CNTNAP2: variants seen among roughly 807,000 people sequenced by gnomAD.
CNTNAP2 encodes contactin associated protein 2.
CNTNAP2 carries 98 observed loss-of-function variants against 155.2 expected under a neutral mutation model. The ratio of observed to expected loss-of-function variants is 0.63; its 90% CI spans 0.54 to 0.75. CNTNAP2 has a LOEUF of 0.75. CNTNAP2 is among the 30% of genes least tolerant of loss of function. CNTNAP2 has a pLI of 0.00. For synonymous variants in CNTNAP2, 651 were observed against 631.2 expected, an observed-to-expected ratio of 1.03 and a Z score of -0.47; for missense variants, 1,727 against 1,688.1, an observed-to-expected ratio of 1.02 and a Z score of -0.40.
chr7:147,566,751 T>C (rs575673625), intron 12 of CNTNAP2, among the ~76,000 whole-genome samples: 1 of 152,196 alleles, frequency 6.6e-6, no homozygotes, highest in Non-Finnish European at 1.5e-5. Context: ...GGGATTACAA[T>C]TCAAGATGAG....
At chr7:146,443,230 T>A (rs201127193) in intron 1 of CNTNAP2, among the ~76,000 whole-genome samples, 34 of 147,802 alleles carry the variant, frequency 2.3e-4, no homozygotes, top group Admixed American at 3.4e-4. Flanking sequence ...AATAAATAAA[T>A]AATAAATAAA....
chr7:147,372,878 G>A (rs1029572424), intron 9 of CNTNAP2, among the ~76,000 whole-genome samples: 2 of 152,116 alleles, frequency 1.3e-5, no homozygotes, highest in South Asian at 2.1e-4. Flanking sequence ...TCCTGGCAAA[G>A]CTCCCTGTCT....
intron 3 of CNTNAP2, among the ~76,000 whole-genome samples, chr7:146,843,872 G>C (rs28452439): frequency 0.037 from 5,645 of 152,094 alleles, 351 homozygotes; most frequent in African/African-American, 0.13. Context: ...ATGGCTTTTT[G>C]ATGGAAAACA....
intron 17 of CNTNAP2, among the ~76,000 whole-genome samples, chr7:148,162,524 C>T (rs756684149): frequency 6.6e-6 from 1 of 152,180 alleles, no homozygotes; most frequent in Non-Finnish European, 1.5e-5. Flanking sequence ...CCCATAACTG[C>T]CTTGGTTTCA....
rs57215903 is a variant in CNTNAP2 at position 147,137,873 on chromosome 7, GTAGATAGA to G, written c.1348+5400_1348+5407del. ...AAATGATTGGAAAATAGATAGATAC[GTAGATAGA>G]TAGATAGATAGATAGATAGATAGAT... On this transcript the variant is annotated intron_variant, in intron 8 of 23. Coordinates refer to ENST00000361727, the MANE Select transcript of CNTNAP2 (RefSeq NM_014141.6). Among the ~76,000 whole-genome samples the G allele has an allele frequency of 4.8e-3, 671 of 140,132 alleles. 8 individuals carry two copies. Among genetic ancestry groups the G allele is most frequent in the Middle Eastern group, 0.021 (5 of 240 alleles). 91.9% of individuals were successfully genotyped at this position (140,132 alleles called of 152,430 possible). A position where few individuals can be genotyped will look rare whatever the true frequency, so the allele number is the denominator to read the frequency against.
chr7:146,704,508 A>C (rs1800930541), intron 1 of CNTNAP2, among the ~76,000 whole-genome samples: 1 of 152,150 alleles, frequency 6.6e-6, no homozygotes. Flanking sequence ...GAAGTCAGGA[A>C]ATAGTTAATG....
At chr7:147,245,867 A>T (rs1804050046) in intron 8 of CNTNAP2, among the ~76,000 whole-genome samples, 1 of 150,656 alleles carries the variant, frequency 6.6e-6, no homozygotes, top group South Asian at 2.1e-4. Context: ...ATTGTTCTTC[A>T]GGAAAACAGA....
intron 1 of CNTNAP2, among the ~76,000 whole-genome samples, chr7:146,178,031 A>T (rs1798494375): frequency 6.6e-6 from 1 of 151,542 alleles, no homozygotes; most frequent in Non-Finnish European, 1.5e-5. Context: ...CTTTATTTTT[A>T]TTTTTATTTT....
chr7:147,348,084 T>C (rs1795907619), intron 9 of CNTNAP2, among the ~76,000 whole-genome samples: 1 of 152,020 alleles, frequency 6.6e-6, no homozygotes, highest in Non-Finnish European at 1.5e-5. Flanking sequence ...GAAGAAGACA[T>C]AGCGGAAATG....
chr7:146,737,622 C>A lies in CNTNAP2; in HGVS notation c.98-36649C>A, dbSNP rs117851856. Among the ~76,000 whole-genome samples, 1,457 of 152,106 alleles carry A rather than the reference C, an allele frequency of 9.6e-3. 13 individuals are homozygous for A. The highest frequency in any genetic ancestry group is 0.026 in the East Asian group (136 of 5,170). ...ATGTGTAACAAGTATAAGGTGAGATCTCATTGGGTTTTAATTTGCATTTAT... is the reference window on the plus strand; with the variant it reads ...ATGTGTAACAAGTATAAGGTGAGATATCATTGGGTTTTAATTTGCATTTAT... On this transcript the variant is annotated intron_variant, in intron 1 of 23. Transcript: ENST00000361727.
At chr7:146,516,045 C>T (rs1436481395) in intron 1 of CNTNAP2, among the ~76,000 whole-genome samples, 4 of 151,974 alleles carry the variant, frequency 2.6e-5, no homozygotes, top group African/African-American at 9.7e-5. Context: ...CTTAACACCA[C>T]ATTTTTTTTC....
chr7:147,611,101 T>G (rs1385964521), intron 12 of CNTNAP2, among the ~76,000 whole-genome samples: 2 of 152,198 alleles, frequency 1.3e-5, no homozygotes, highest in Middle Eastern at 6.8e-3. Flanking sequence ...GGAGTGATTT[T>G]TTTTTTAATG....
At chr7:146,761,077 C>T (rs1190749417) in intron 1 of CNTNAP2, among the ~76,000 whole-genome samples, 1 of 152,088 alleles carries the variant, frequency 6.6e-6, no homozygotes, top group Non-Finnish European at 1.5e-5. Context: ...TTTTGCTCAT[C>T]TGTTCTGTAG....
chr7:146,927,960 G>GTATA (rs58609819), intron 3 of CNTNAP2, among the ~76,000 whole-genome samples: 32 of 146,164 alleles, frequency 2.2e-4, no homozygotes, highest in African/African-American at 5.2e-4. Flanking sequence ...TAATGTGTGT[G>GTATA]TATATATATA....
chr7:146,802,939 A>C (rs1295164813), intron 2 of CNTNAP2, among the ~76,000 whole-genome samples: 1 of 152,208 alleles, frequency 6.6e-6, no homozygotes, highest in Non-Finnish European at 1.5e-5. Context: ...GAATTATTCC[A>C]GTAGTGCTAT....
At chr7:146,187,681 C>CCTCTCCTATTCTTTT (rs1329581158) in intron 1 of CNTNAP2, among the ~76,000 whole-genome samples, 2 of 151,996 alleles carry the variant, frequency 1.3e-5, no homozygotes, top group African/African-American at 4.8e-5. Flanking sequence ...TCTCTTTCTC[C>CCTCTCCTATTCTTTT]CTCTCCTATT....
intron 1 of CNTNAP2, among the ~76,000 whole-genome samples, chr7:146,530,566 G>A (rs1797756072): frequency 6.6e-6 from 1 of 152,126 alleles, no homozygotes; most frequent in Non-Finnish European, 1.5e-5. Context: ...GTGGGCAAAA[G>A]ACATGAACAG....
chr7:146,443,255 A>G (rs559494190), intron 1 of CNTNAP2, among the ~76,000 whole-genome samples: 41 of 150,550 alleles, frequency 2.7e-4, no homozygotes, highest in East Asian at 1.2e-3. Flanking sequence ...TAAATAAATA[A>G]ATAGATAAAT....
intron 8 of CNTNAP2, among the ~76,000 whole-genome samples, chr7:147,179,157 A>G (rs1802407465): frequency 6.6e-6 from 1 of 152,204 alleles, no homozygotes; most frequent in Non-Finnish European, 1.5e-5. Context: ...TAATTCCAAT[A>G]AATTCATTAA....
Sources: gnomAD v4.1 joint callset for allele counts (sites outside exome capture counted in the v4.1 genomes callset) on GRCh38, gnomAD v4.1.1 for gene constraint, MANE v1.5 for transcripts, NCBI Gene and HGNC (gene_info 2026-07-23, HGNC 2026-07-21) for gene names.